The following CRMP1 variants were observed in gnomAD, a reference collection of about 807,000 sequenced individuals.
The protein encoded by CRMP1 is collapsin response mediator protein 1.
A neutral mutation model predicts 68.3 loss-of-function variants in CRMP1; 19 were observed. The ratio of observed to expected loss-of-function variants is 0.28; its 90% CI spans 0.19 to 0.41. The LOEUF is 0.41. Ranked by LOEUF, CRMP1 falls within the 10% of genes least tolerant of loss-of-function variation. The pLI is 1.00. For missense variants in CRMP1, 791 were observed against 967.4 expected (o/e 0.82, Z 2.42); for synonymous variants, 439 against 399.6 (o/e 1.10, Z -1.18).
At chr4:5,880,232 G>A (rs1400593829) in intron 1 of CRMP1, among the ~76,000 whole-genome samples, 3 of 152,178 alleles carry the variant, frequency 2.0e-5, no homozygotes, top group Admixed American at 2.0e-4. Context: ...GGGGGCAGGG[G>A]AGAAGCAGTA....
In CRMP1 at chr4:5,892,797, C is replaced by T; in HGVS notation, c.173G>A (p.Arg58His). 2 of 1,333,774 alleles carry T rather than the reference C, an allele frequency of 1.5e-6. No individual in the cohort carries two copies. Among genetic ancestry groups the T allele is most frequent in the South Asian group, 1.8e-5 (1 of 56,058 alleles). 82.6% of individuals were successfully genotyped at this position (1,333,774 alleles called of 1,614,324 possible). Residue 58 changes from arginine (R) to histidine (H), a missense_variant, in exon 1 of 14, where the codon CGC becomes CAC. By Grantham distance (29) the Arg-to-His change is conservative. Around this residue, in one of 3 missense-constraint regions of CRMP1, gnomAD observed 193 missense variants for 186.3 expected, o/e 1.04. Coordinates refer to ENST00000324989, the MANE Select transcript of CRMP1 (RefSeq NM_001014809.3). The surrounding 1 kb of genome is among the most constrained non-coding windows in gnomAD (Gnocchi z 8.6). ...GCTGCGCGGCGTGCGCGCCGAGCCG[C>T]GGCGGCCCACACTGTAGGCGTCGAA... is the stretch of plus-strand genomic sequence containing the variant. ...IDFDAYSVGR[R>H]GSARTPRSAG...
chr4:5,877,341 A>G lies in CRMP1; in HGVS notation c.382-10585T>C, dbSNP rs761595630. 1.3e-5 allele frequency among the ~76,000 whole-genome samples: 2 copies of G among 152,256 alleles called. No homozygotes were observed. Among genetic ancestry groups the G allele is most frequent in the African/African-American group, 2.4e-5 (1 of 41,470 alleles). ...TCGTAAAGGTTCTGTGCTGGGAGCC[A>G]CAGGGGTTGCTGCATAAGAGGTTTT... is the stretch of plus-strand genomic sequence containing the variant. On this transcript the variant is annotated intron_variant, in intron 1 of 13. Transcript: ENST00000324989. This position sits in a 1 kb window ranked among gnomAD's most constrained non-coding sequence, Gnocchi z 4.3.
At chr4:5,887,546 C>T in intron 1 of CRMP1, 1 of 985,186 alleles carries the variant, frequency 1.0e-6, no homozygotes, top group Non-Finnish European at 1.2e-6. Flanking sequence ...CCGGCCACAC[C>T]CAGGGACGCA....
At position 5,858,094 on chromosome 4, in the gene CRMP1, A is replaced by T. The variant is rs1477761070; in HGVS notation, c.656-1787T>A. ...GCAGTCCTCAGTCTCTTGGCCTCTC[A>T]GGGCACAGAGAGTCCCTCCCTCCTT... On this transcript the variant is annotated intron_variant, in intron 3 of 13. Transcript: ENST00000324989. This position sits in a 1 kb window ranked among gnomAD's most constrained non-coding sequence, Gnocchi z 5.5. Among the ~76,000 whole-genome samples the T allele has an allele frequency of 1.3e-5, 2 of 152,066 alleles. No homozygotes were observed. Among genetic ancestry groups the T allele is most frequent in the Non-Finnish European group, 2.9e-5 (2 of 68,010 alleles).
Position 5,883,492 on chromosome 4 carries a change from G to T in CRMP1, c.381+9097C>A, listed in dbSNP as rs1022935592. 3.5e-4 allele frequency among the ~76,000 whole-genome samples: 54 copies of T among 152,124 alleles called. No homozygotes were observed. The highest frequency in any genetic ancestry group is 1.3e-3 in the African/African-American group (52 of 41,492). The stretch of plus-strand genomic sequence containing the variant: ...ATTTTTGTATTTTTAGTAGAGACAG[G>T]GTTTCACCATGTTGGCCAGGCTGGT... On this transcript the variant is annotated intron_variant, in intron 1 of 13. Coordinates refer to ENST00000324989, the MANE Select transcript of CRMP1 (RefSeq NM_001014809.3). The surrounding 1 kb of genome is among the most constrained non-coding windows in gnomAD (Gnocchi z 4.5).
intron 4 of CRMP1, among the ~76,000 whole-genome samples, chr4:5,851,811 AAAG>A (rs148320784): frequency 0.014 from 1,906 of 140,630 alleles, 15 homozygotes; most frequent in Middle Eastern, 0.031. Flanking sequence ...AGAGGAGGAA[AAAG>A]AAGAGGAGGA....
rs893512064 is a variant in CRMP1, at chr4:5,838,752, C to T, written c.1310+770G>A. Among the ~76,000 whole-genome samples, 1 of 152,126 alleles carries T rather than the reference C, an allele frequency of 6.6e-6. No individual in the cohort carries two copies. The highest frequency in any genetic ancestry group is 2.1e-4 in the South Asian group (1 of 4,818). ...GGGGATGGTGATTTCCACGTGGGCGCACACCACTGCCCCCTCCTCCAAGGT... is the reference window on the plus strand; with the variant it reads ...GGGGATGGTGATTTCCACGTGGGCGTACACCACTGCCCCCTCCTCCAAGGT... On this transcript the variant is annotated intron_variant, in intron 9 of 13. Coordinates refer to ENST00000324989, the MANE Select transcript of CRMP1 (RefSeq NM_001014809.3). This position sits in a 1 kb window ranked among gnomAD's most constrained non-coding sequence, Gnocchi z 4.9.
At chr4:5,873,106 C>A (rs1714572879) in intron 1 of CRMP1, among the ~76,000 whole-genome samples, 1 of 152,174 alleles carries the variant, frequency 6.6e-6, no homozygotes, top group Non-Finnish European at 1.5e-5. Context: ...GTGTAAGCAG[C>A]TTAAATGCAG....
Position 5,872,022 on chromosome 4 carries a change from A to T in CRMP1, c.382-5266T>A, listed in dbSNP as rs1714489719. Among the ~76,000 whole-genome samples, 1 of 152,176 alleles carries T rather than the reference A, an allele frequency of 6.6e-6. No individual in the cohort carries two copies. The highest frequency in any genetic ancestry group is 1.5e-5 in the Non-Finnish European group (1 of 68,020). Reference sequence around the variant, plus strand: ...ACCAGTAAGGATGCAGGCTAGAGCCAAGGGTTCCTAATGGCCTGTCCAGCA... The same window carrying T: ...ACCAGTAAGGATGCAGGCTAGAGCCTAGGGTTCCTAATGGCCTGTCCAGCA... On this transcript the variant is annotated intron_variant, in intron 1 of 13. Coordinates refer to ENST00000324989, the MANE Select transcript of CRMP1 (RefSeq NM_001014809.3). This position sits in a 1 kb window ranked among gnomAD's most constrained non-coding sequence, Gnocchi z 4.6.
chr4:5,868,269 A>ATATATATATATC (rs1714154426), intron 1 of CRMP1, among the ~76,000 whole-genome samples: 1 of 17,178 alleles, frequency 5.8e-5, no homozygotes, highest in East Asian at 4.3e-3. Context: ...ATCTATATAT[A>ATATATATATATC]TATATATATA....
intron 6 of CRMP1, among the ~76,000 whole-genome samples, chr4:5,847,192 A>G (rs929550897): frequency 1.3e-5 from 2 of 152,078 alleles, no homozygotes; most frequent in Non-Finnish European, 2.9e-5. Flanking sequence ...CCACCACTGC[A>G]TGTTGTATAT....
Position 5,835,987 on chromosome 4 carries a change from C to T in CRMP1, c.1551G>A (p.Val517=). The part of the protein sequence containing the change: ...NLYPRKGRIA[V]GSDADVVIWD... ...AGATGACCACGTCGGCATCCGAGCC[C>T]ACGGCAATCCGCCCTTTCCTTGGGT... The change falls in exon 11 of 14, where the codon GTG becomes GTA. Residue 517 remains valine (V), a synonymous_variant. Coordinates refer to ENST00000324989, the MANE Select transcript of CRMP1 (RefSeq NM_001014809.3). 1 of 1,605,240 alleles carries T rather than the reference C, an allele frequency of 6.2e-7. No individual in the cohort carries two copies. Among genetic ancestry groups the T allele is most frequent in the Non-Finnish European group, 8.5e-7 (1 of 1,175,680 alleles).
rs899773204 is a variant in CRMP1, at chr4:5,821,372, G to C, written c.*388C>G. ...CAGACGCACTCACAGACTTGCATAC[G>C]TAATTTAGTAACATGCATCAACTAT... is the stretch of plus-strand genomic sequence containing the variant. On this transcript the variant is annotated 3_prime_UTR_variant, in exon 14 of 14. Coordinates refer to ENST00000324989, the MANE Select transcript of CRMP1 (RefSeq NM_001014809.3). The surrounding 1 kb of genome is among the most constrained non-coding windows in gnomAD (Gnocchi z 4.4). 1 of 199,390 alleles carries C rather than the reference G, an allele frequency of 5.0e-6. No individual in the cohort carries two copies. Among genetic ancestry groups the C allele is most frequent in the Non-Finnish European group, 1.0e-5 (1 of 96,714 alleles). The allele number at this position is 199,390 out of a possible 1,614,324, so 12.4% of individuals were successfully genotyped here. A position where few individuals can be genotyped will look rare whatever the true frequency, so the allele number is the denominator to read the frequency against.
At chr4:5,839,727 G>C (rs780050487) in intron 8 of CRMP1, 49 bp from the exon 9 acceptor site, 1 of 1,552,384 alleles carries the variant, frequency 6.4e-7, no homozygotes, top group South Asian at 1.2e-5. Context: ...ACTCTCTTGA[G>C]GCAGATGTCA....
chr4:5,836,813 A>T lies in CRMP1; in HGVS notation c.1404T>A (p.Gly468=). Residue 468 remains glycine (G), a synonymous_variant, in exon 10 of 14, where the codon GGT becomes GGA. Transcript: ENST00000324989. The part of the protein sequence containing the change: ...GKDNFTLIPE[G]VNGIEERMTV... ...TCATCCGCTCCTCTATCCCGTTGACACCCTCGGGGATCAGGGTAAAGTTGT... is the reference window on the plus strand; with the variant it reads ...TCATCCGCTCCTCTATCCCGTTGACTCCCTCGGGGATCAGGGTAAAGTTGT... 1 of 1,613,970 alleles carries T rather than the reference A, an allele frequency of 6.2e-7. No homozygotes were observed. The highest frequency in any genetic ancestry group is 8.5e-7 in the Non-Finnish European group (1 of 1,179,894).
chr4:5,859,086 C>T lies in CRMP1; in HGVS notation c.655+1940G>A, dbSNP rs910838112. ...GCAGGAGTCACAGTTTCTAGTCATA[C>T]ATGTGGACGATTAGTGACTCCCCAA... On this transcript the variant is annotated intron_variant, in intron 3 of 13. Transcript: ENST00000324989. This position sits in a 1 kb window ranked among gnomAD's most constrained non-coding sequence, Gnocchi z 5.2. Among the ~76,000 whole-genome samples, 2 of 152,176 alleles carry T rather than the reference C, an allele frequency of 1.3e-5. No homozygotes were observed. The highest frequency in any genetic ancestry group is 2.4e-5 in the African/African-American group (1 of 41,436).
chr4:5,857,577 G>C (rs1053924297), intron 3 of CRMP1, among the ~76,000 whole-genome samples: 1 of 152,122 alleles, frequency 6.6e-6, no homozygotes. Flanking sequence ...ACAAAAGCTT[G>C]ACATAAGTTC....
In CRMP1 at chr4:5,889,875, C is replaced by G; in HGVS notation, c.381+2714G>C. On this transcript the variant is annotated intron_variant, in intron 1 of 13. Transcript: ENST00000324989. This position sits in a 1 kb window ranked among gnomAD's most constrained non-coding sequence, Gnocchi z 4.5. ...AAATAGAGGTGAGGTTTTAGCTTCACAGAGAAGCCAGCTCAGTATCCCAGG... is the reference window on the plus strand; with the variant it reads ...AAATAGAGGTGAGGTTTTAGCTTCAGAGAGAAGCCAGCTCAGTATCCCAGG... 1 of 1,426,504 alleles carries G rather than the reference C, an allele frequency of 7.0e-7. No homozygotes were observed. Among genetic ancestry groups the G allele is most frequent in the Non-Finnish European group, 9.2e-7 (1 of 1,092,860 alleles). The allele number at this position is 1,426,504 out of a possible 1,614,324, so 88.4% of individuals were successfully genotyped here.
At chr4:5,864,351 C>T (rs1403411559) in intron 2 of CRMP1, among the ~76,000 whole-genome samples, 1 of 152,184 alleles carries the variant, frequency 6.6e-6, no homozygotes, top group Non-Finnish European at 1.5e-5. Context: ...GGTGTTCCCT[C>T]AGAGTTGCTT....
Sources: gnomAD v4.1 joint callset for allele counts (sites outside exome capture counted in the v4.1 genomes callset) on GRCh38, gnomAD v4.1.1 for gene constraint, gnomAD v4.1.1 regional missense constraint, Gnocchi (gnomAD v3.1) non-coding constraint, MANE v1.5 for transcripts, NCBI Gene and HGNC (gene_info 2026-07-23, HGNC 2026-07-21) for gene names.